KRTAP4-7: variants seen among roughly 807,000 people sequenced by gnomAD.
The protein encoded by KRTAP4-7 is keratin associated protein 4-7, also known as putative keratin-associated protein 4-X.
A neutral mutation model predicts 3.0 loss-of-function variants in KRTAP4-7; 1 was observed. The observed-to-expected ratio is 0.33, with a 90% CI of 0.12 to 1.57. The LOEUF is 1.57. KRTAP4-7 is among the 40% of genes most tolerant of loss of function. KRTAP4-7 has a pLI of 0.37. For missense variants in KRTAP4-7, 199 were observed against 209.1 expected (o/e 0.95, Z 0.30); for synonymous variants, 70 against 74.6 (o/e 0.94, Z 0.32).
chr17:41,084,283 G>C (rs201911550), exon 1 of KRTAP4-7: 1 of 1,613,726 alleles, frequency 6.2e-7, no homozygotes, highest in Non-Finnish European at 8.5e-7. Context: ...ACCTGCTGCC[G>C]CCCCAGCTGC....
rs978028929 is a variant in KRTAP4-7, at chr17:41,084,694, G to A, written c.*20G>A. ...TGCTGAGCCCACTGCCCTGGCTCAC[G>A]TCCCCCTTCACCACTGGCCCACAGA... On this transcript the variant is annotated 3_prime_UTR_variant, in exon 1 of 1. Transcript: ENST00000391417. 26 of 1,567,422 alleles carry A rather than the reference G, an allele frequency of 1.7e-5. No individual in the cohort carries two copies. The Admixed American group carries it at 1.9e-4, about 11-fold the overall frequency.
At chr17:41,084,760 G>C in exon 1 of KRTAP4-7, 1 of 1,484,582 alleles carries the variant, frequency 6.7e-7, no homozygotes, top group South Asian at 1.4e-5. Context: ...GATACATGAA[G>C]TGGGGTTGAT....
In KRTAP4-7 at chr17:41,084,772, T is replaced by C. The variant is rs1177192901; in HGVS notation, c.*98T>C. 6.1e-6 allele frequency: 9 copies of C among 1,468,056 alleles called. No individual in the cohort carries two copies. The African/African-American group carries it at 8.4e-5, about 14-fold the overall frequency. 90.9% of individuals were successfully genotyped at this position (1,468,056 alleles called of 1,614,324 possible). On this transcript the variant is annotated 3_prime_UTR_variant, in exon 1 of 1. Coordinates refer to ENST00000391417, the Ensembl canonical transcript of KRTAP4-7. ...TAGGATACATGAAGTGGGGTTGATG[T>C]CATTCAATAGGATGGACCTTATGCT...
chr17:41,084,166 C>G lies in KRTAP4-7; in HGVS notation c.-41C>G, dbSNP rs779653250. 35 of 1,569,168 alleles carry G rather than the reference C, an allele frequency of 2.2e-5. No homozygotes were observed. The African/African-American group carries it at 3.8e-4, about 17-fold the overall frequency. On this transcript the variant is annotated 5_prime_UTR_variant, in exon 1 of 1. Transcript: ENST00000391417. ...AAGACTTCCAAACCCAAGAACTTCA[C>G]TCTCTTGGAAACCCACCCAGATCCT...
chr17:41,084,408 A>C, exon 1 of KRTAP4-7: 1 of 1,431,634 alleles, frequency 7.0e-7, no homozygotes, highest in Non-Finnish European at 9.5e-7. Flanking sequence ...CTGTCGCCCC[A>C]CCTGCTGTGA....
In KRTAP4-7 at chr17:41,084,301, C is replaced by A. The variant is rs768633041; in HGVS notation, c.95C>A (p.Thr32Asn). ...TGCTGCCGCCCCAGCTGCTGTCAGA[C>A]CACCTGTTGCAGGACCACCTGCTAC... is the stretch of plus-strand genomic sequence containing the variant. The change falls in exon 1 of 1, where the codon ACC becomes AAC. Residue 32 changes from threonine (T) to asparagine (N), a missense_variant. Thr to Asn is a moderately conservative substitution (Grantham distance 65, BLOSUM62 0). Coordinates refer to ENST00000391417, the Ensembl canonical transcript of KRTAP4-7. The A allele has an allele frequency of 2.5e-6, 4 of 1,613,990 alleles. No individual in the cohort carries two copies. The East Asian group carries it at 8.9e-5, about 36-fold the overall frequency.
At chr17:41,084,860 C>T in exon 1 of KRTAP4-7, 2 of 992,138 alleles carry the variant, frequency 2.0e-6, no homozygotes, top group East Asian at 2.7e-5. Context: ...TTTAAACTCC[C>T]TCCTTTGCTT....
In KRTAP4-7 at chr17:41,084,447, A is replaced by G. The variant is rs761281456; in HGVS notation, c.241A>G (p.Ile81Val). The G allele has an allele frequency of 1.9e-5, 28 of 1,506,884 alleles. No homozygotes were observed. The Admixed American group carries it at 4.9e-4, about 26-fold the overall frequency. The allele number at this position is 1,506,884 out of a possible 1,614,324, so 93.3% of individuals were successfully genotyped here. A position where few individuals can be genotyped will look rare whatever the true frequency, so the allele number is the denominator to read the frequency against. The stretch of plus-strand genomic sequence containing the variant: ...GACCTGCTGCCACCCTAGGTGCTGC[A>G]TCTCCAGCTGCTGCCGCCCCAGCTG... Residue 81 changes from isoleucine (I) to valine (V), a missense_variant, in exon 1 of 1, where the codon ATC (isoleucine) becomes GTC (valine). Transcript: ENST00000391417.
At chr17:41,084,353 C>T in exon 1 of KRTAP4-7, 1 of 1,608,598 alleles carries the variant, frequency 6.2e-7, no homozygotes, top group South Asian at 1.1e-5. Context: ...TGTCCAGCTG[C>T]TGCAGGCCCC....
At chr17:41,084,321 T>A in exon 1 of KRTAP4-7, 1 of 1,614,068 alleles carries the variant, frequency 6.2e-7, no homozygotes, top group Non-Finnish European at 8.5e-7. Flanking sequence ...CAGGACCACC[T>A]GCTACCGCCC....
At chr17:41,084,695 TC>T in exon 1 of KRTAP4-7, 2 of 1,566,822 alleles carry the variant, frequency 1.3e-6, no homozygotes, top group Non-Finnish European at 1.7e-6. Flanking sequence ...CTGGCTCACG[TC>T]CCCCTTCACC....
chr17:41,084,335 C>G (rs1248131507), exon 1 of KRTAP4-7: 1 of 1,613,816 alleles, frequency 6.2e-7, no homozygotes, highest in African/African-American at 1.3e-5. Context: ...ACCGCCCCAG[C>G]TGTTGTGTGT....
chr17:41,084,677 C>G, exon 1 of KRTAP4-7: 1 of 1,586,550 alleles, frequency 6.3e-7, no homozygotes, highest in Non-Finnish European at 8.6e-7. Flanking sequence ...GCTGCTGAGC[C>G]CACTGCCCTG....
exon 1 of KRTAP4-7, chr17:41,084,313 G>C: frequency 1.2e-6 from 2 of 1,613,934 alleles, no homozygotes; most frequent in South Asian, 1.1e-5. Flanking sequence ...ACCTGTTGCA[G>C]GACCACCTGC....
chr17:41,084,722 T>A lies in KRTAP4-7; in HGVS notation c.*48T>A, dbSNP rs1266032139. 3.9e-6 allele frequency: 6 copies of A among 1,538,626 alleles called. No homozygotes were observed. In the Admixed American group the frequency reaches 1.2e-4, roughly 30 times the overall value. On this transcript the variant is annotated 3_prime_UTR_variant, in exon 1 of 1. Coordinates refer to ENST00000391417, the Ensembl canonical transcript of KRTAP4-7. ...CCCCTTCACCACTGGCCCACAGATGTAGACCCTTCTACTGTGCTGACCATT... is the reference window on the plus strand; with the variant it reads ...CCCCTTCACCACTGGCCCACAGATGAAGACCCTTCTACTGTGCTGACCATT...
At position 41,084,311 on chromosome 17, in the gene KRTAP4-7, C is replaced by A. The variant is rs193005959; in HGVS notation, c.105C>A (p.Cys35Ter). Residue 35 changes from cysteine (C) to a stop codon, truncating the protein, a stop_gained, in exon 1 of 1, where the codon TGC becomes TGA. Coordinates refer to ENST00000391417, the Ensembl canonical transcript of KRTAP4-7. LOFTEE classifies it low-confidence loss of function (END_TRUNC). ...CCAGCTGCTGTCAGACCACCTGTTG[C>A]AGGACCACCTGCTACCGCCCCAGCT... 7.9e-3 allele frequency: 12,831 copies of A among 1,614,000 alleles called. 78 individuals carry two copies. Among genetic ancestry groups the A allele is most frequent in the Middle Eastern group, 0.014 (86 of 6,062 alleles).
rs780341127 is a variant in KRTAP4-7, at chr17:41,084,494, G to A, written c.288G>A (p.Lys96=). The A allele has an allele frequency of 2.7e-5, 42 of 1,582,062 alleles. No individual in the cohort carries two copies. The African/African-American group carries it at 5.2e-4, about 20-fold the overall frequency. ...GCTGCTGTATGTCCAGCTGCTGCAA[G>A]CCCCAGTGCTGCCAGTCTGTGTGCT... Residue 96 remains lysine (K), a synonymous_variant, in exon 1 of 1, where the codon AAG becomes AAA. Transcript: ENST00000391417.
At chr17:41,084,784 A>G (rs2013620781) in exon 1 of KRTAP4-7, 1 of 1,435,304 alleles carries the variant, frequency 7.0e-7, no homozygotes, top group Admixed American at 2.5e-5. Flanking sequence ...ATTCAATAGG[A>G]TGGACCTTAT....
exon 1 of KRTAP4-7, chr17:41,084,693 C>T (rs749062004): frequency 7.2e-5 from 113 of 1,567,750 alleles, no homozygotes; most frequent in African/African-American, 6.0e-4. Flanking sequence ...CCCTGGCTCA[C>T]GTCCCCCTTC....
Sources: gnomAD v4.1 joint callset for allele counts on GRCh38, gnomAD v4.1.1 for gene constraint, MANE v1.5 for transcripts, NCBI Gene and HGNC (gene_info 2026-07-23, HGNC 2026-07-21) for gene names.